CDK5RAP2: variants seen among roughly 807,000 people sequenced by gnomAD.
The protein encoded by CDK5RAP2 is CDK5 regulatory subunit associated protein 2.
CDK5RAP2 carries 147 observed loss-of-function variants against 232.9 expected under a neutral mutation model. The observed-to-expected ratio is 0.63, with a 90% CI of 0.55 to 0.72. The LOEUF is 0.72. CDK5RAP2 is among the 30% of genes least tolerant of loss of function. The pLI, the probability that CDK5RAP2 is intolerant of heterozygous loss-of-function variation, is 0.00. For missense variants in CDK5RAP2, 2,195 were observed against 2,231.5 expected (o/e 0.98, Z 0.33); for synonymous variants, 833 against 833.7 (o/e 1.00, Z 0.01).
At chr9:120,506,623 G>A (rs1262491442) in intron 12 of CDK5RAP2, among the ~76,000 whole-genome samples, 1 of 152,188 alleles carries the variant, frequency 6.6e-6, no homozygotes, top group African/African-American at 2.4e-5. Context: ...CATTACAGGA[G>A]TTTGGAAGAA....
chr9:120,408,294 G>C, intron 31 of CDK5RAP2, 53 bp downstream of exon 31: 1 of 1,609,540 alleles, frequency 6.2e-7, no homozygotes, highest in Non-Finnish European at 8.5e-7. Context: ...CAGCTGTCGG[G>C]TGGTCTTACA....
At chr9:120,544,837 G>C (rs1427842574) in intron 5 of CDK5RAP2, among the ~76,000 whole-genome samples, 2 of 152,158 alleles carry the variant, frequency 1.3e-5, no homozygotes, top group Non-Finnish European at 2.9e-5. Flanking sequence ...AGGTGTGATG[G>C]GCAGCTCACC....
At chr9:120,402,339 C>A (rs2033099598) in intron 34 of CDK5RAP2, among the ~76,000 whole-genome samples, 1 of 152,098 alleles carries the variant, frequency 6.6e-6, no homozygotes, top group East Asian at 1.9e-4. Context: ...TCAACAAAAA[C>A]AAAAATGTAG....
intron 3 of CDK5RAP2, among the ~76,000 whole-genome samples, chr9:120,558,197 A>G (rs2042311639): frequency 6.7e-6 from 1 of 148,594 alleles, no homozygotes; most frequent in Non-Finnish European, 1.5e-5. Flanking sequence ...ACATGGTGAA[A>G]CCCTGTCTCC....
At chr9:120,478,601 C>T (rs1009580432) in intron 14 of CDK5RAP2, among the ~76,000 whole-genome samples, 8 of 152,062 alleles carry the variant, frequency 5.3e-5, no homozygotes, top group African/African-American at 9.7e-5. Context: ...GTGAGACCCC[C>T]GCCTCTACAA....
chr9:120,394,212 G>C (rs1355601366), intron 36 of CDK5RAP2, among the ~76,000 whole-genome samples: 1 of 152,174 alleles, frequency 6.6e-6, no homozygotes, highest in East Asian at 1.9e-4. Flanking sequence ...TGCCGGGACA[G>C]AGTGACGGCC....
At chr9:120,521,221 C>T (rs770642821) in intron 11 of CDK5RAP2, among the ~76,000 whole-genome samples, 12 of 152,196 alleles carry the variant, frequency 7.9e-5, no homozygotes, top group Non-Finnish European at 1.5e-4. Flanking sequence ...TAAGGGTGAG[C>T]TAACAACACT....
chr9:120,543,254 G>A (rs932966097), intron 5 of CDK5RAP2, among the ~76,000 whole-genome samples: 1 of 152,026 alleles, frequency 6.6e-6, no homozygotes, highest in African/African-American at 2.4e-5. Flanking sequence ...CTGACTGGTC[G>A]CCCAGCTTTC....
At chr9:120,415,748 G>C (rs1221731762) in intron 27 of CDK5RAP2, among the ~76,000 whole-genome samples, 1 of 152,042 alleles carries the variant, frequency 6.6e-6, no homozygotes, top group East Asian at 1.9e-4. Flanking sequence ...CTTAGCCTTA[G>C]AAAAGTTATT....
chr9:120,413,966 G>A lies in CDK5RAP2; in HGVS notation c.4297+1074C>T, dbSNP rs894817275. On this transcript the variant is annotated intron_variant, in intron 28 of 37. Coordinates refer to ENST00000349780, the MANE Select transcript of CDK5RAP2 (RefSeq NM_018249.6). ...AGCTATGATGGCTAGAGAAGAATGAGACCTGGACAAGGGTCCAAGGACTCG... is the reference window on the plus strand; with the variant it reads ...AGCTATGATGGCTAGAGAAGAATGAAACCTGGACAAGGGTCCAAGGACTCG... Among the ~76,000 whole-genome samples, 5 of 152,218 alleles carry A rather than the reference G, an allele frequency of 3.3e-5. No homozygotes were observed. The East Asian group carries it at 9.6e-4, about 29-fold the overall frequency.
rs773942586 is a variant in CDK5RAP2, at chr9:120,389,233, T to C, written c.*3A>G. 1.2e-6 allele frequency: 2 copies of C among 1,611,900 alleles called. No homozygotes were observed. Among genetic ancestry groups the C allele is most frequent in the Non-Finnish European group, 1.7e-6 (2 of 1,178,972 alleles). ...CACAAGCTTTATTGGCTGAAAGTTC[T>C]TCTCAGGAGCCTGGTCTGCTGGGAC... On this transcript the variant is annotated 3_prime_UTR_variant, in exon 38 of 38. Coordinates refer to ENST00000349780, the MANE Select transcript of CDK5RAP2 (RefSeq NM_018249.6).
Position 120,572,069 on chromosome 9 carries a change from T to C in CDK5RAP2, c.60-28A>G, listed in dbSNP as rs201152779. 549 of 1,538,424 alleles carry C rather than the reference T, an allele frequency of 3.6e-4. 2 individuals are homozygous for C. In the African/African-American group the frequency reaches 6.9e-3, roughly 19 times the overall value. On this transcript the variant is annotated intron_variant, in intron 1 of 37. Coordinates refer to ENST00000349780, the MANE Select transcript of CDK5RAP2 (RefSeq NM_018249.6). Reference sequence around the variant, plus strand: ...AGGAGAGAACACATGAGATAAGAGATGAGCTAATGTTTGAACAACAGAGAC... The same window carrying C: ...AGGAGAGAACACATGAGATAAGAGACGAGCTAATGTTTGAACAACAGAGAC...
intron 35 of CDK5RAP2, among the ~76,000 whole-genome samples, chr9:120,397,420 C>T (rs983483712): frequency 6.0e-5 from 9 of 149,636 alleles, no homozygotes; most frequent in African/African-American, 2.0e-4. Context: ...TAAATAAAGA[C>T]AGCATCTTAC....
chr9:120,485,962 T>C (rs537629763), intron 14 of CDK5RAP2, among the ~76,000 whole-genome samples: 1 of 152,326 alleles, frequency 6.6e-6, no homozygotes, highest in Non-Finnish European at 1.5e-5. Context: ...ACAGTCAGAA[T>C]TAAGAAACAG....
chr9:120,403,204 A>G lies in CDK5RAP2; in HGVS notation c.5042-133T>C. On this transcript the variant is annotated intron_variant, in intron 33 of 37. Transcript: ENST00000349780. This position sits in a 1 kb window ranked among gnomAD's most constrained non-coding sequence, Gnocchi z 4.2. The stretch of plus-strand genomic sequence containing the variant: ...CAAATGCCACCCAACACAAGCCCAG[A>G]GGGGAAAAGAGGCACGCTCCTGGAC... 1.2e-6 allele frequency: 1 copy of G among 809,400 alleles called. No individual in the cohort carries two copies. The highest frequency in any genetic ancestry group is 2.0e-6 in the Non-Finnish European group (1 of 492,606). The allele number at this position is 809,400 out of a possible 1,614,324, so 50.1% of individuals were successfully genotyped here.
chr9:120,509,023 A>G (rs934552467), intron 12 of CDK5RAP2, among the ~76,000 whole-genome samples: 1 of 152,150 alleles, frequency 6.6e-6, no homozygotes, highest in African/African-American at 2.4e-5. Context: ...AGATTACAGC[A>G]ATTCCATATA....
chr9:120,415,893 A>G (rs529065603), intron 27 of CDK5RAP2, among the ~76,000 whole-genome samples: 46 of 152,378 alleles, frequency 3.0e-4, no homozygotes, highest in African/African-American at 8.9e-4. Flanking sequence ...GAACTGAAGT[A>G]ACTCCAAATG....
intron 14 of CDK5RAP2, among the ~76,000 whole-genome samples, chr9:120,480,505 G>A (rs1225210243): frequency 2.0e-5 from 3 of 151,988 alleles, no homozygotes; most frequent in Non-Finnish European, 2.9e-5. Context: ...TCATAGCTAC[G>A]GCAGTTACTT....
intron 18 of CDK5RAP2, among the ~76,000 whole-genome samples, chr9:120,463,405 C>A (rs1269367762): frequency 6.6e-6 from 1 of 152,090 alleles, no homozygotes; most frequent in Non-Finnish European, 1.5e-5. Context: ...GAAAGTCTCC[C>A]CCTGATTCCC....
Sources: gnomAD v4.1 joint callset for allele counts (sites outside exome capture counted in the v4.1 genomes callset) on GRCh38, gnomAD v4.1.1 for gene constraint, Gnocchi (gnomAD v3.1) non-coding constraint, MANE v1.5 for transcripts, NCBI Gene and HGNC (gene_info 2026-07-23, HGNC 2026-07-21) for gene names.